TENM2: variants seen among roughly 807,000 people sequenced by gnomAD.
TENM2 encodes the protein teneurin-2.
Under a neutral mutation model 245.2 loss-of-function variants are expected in TENM2, and 52 were observed. The ratio of observed to expected loss-of-function variants is 0.21; its 90% CI spans 0.17 to 0.27. The LOEUF (loss-of-function observed/expected upper bound fraction) is 0.27, where lower values mean the gene tolerates loss of function less well. TENM2 is among the 10% of genes least tolerant of loss of function. TENM2 has a pLI of 1.00. For synonymous variants in TENM2, 1,363 were observed against 1,438.9 expected (o/e 0.95, Z 1.19); for missense variants, 3,046 against 3,666.8 (o/e 0.83, Z 4.37).
chr5:167,304,092 A>G (rs1755520052), intron 1 of TENM2, among the ~76,000 whole-genome samples: 1 of 152,222 alleles, frequency 6.6e-6, no homozygotes, highest in South Asian at 2.1e-4. Context: ...AAGGACCAGG[A>G]CAATTACACA....
At chr5:167,772,626 CTT>C (rs34173993) in intron 2 of TENM2, among the ~76,000 whole-genome samples, 39 of 146,580 alleles carry the variant, frequency 2.7e-4, no homozygotes, top group Admixed American at 6.2e-4. Context: ...ATCAGACCCA[CTT>C]TTTTTTTTTT....
chr5:167,536,351 AT>A (rs1771845653), intron 2 of TENM2, among the ~76,000 whole-genome samples: 1 of 152,234 alleles, frequency 6.6e-6, no homozygotes, highest in Non-Finnish European at 1.5e-5. Flanking sequence ...TTGAAGGCAG[AT>A]TTAACTTTAT....
At chr5:167,277,150 TTGAG>T in the TENM2 span, among the ~76,000 whole-genome samples, 40 of 152,254 alleles carry the variant, frequency 2.6e-4, no homozygotes, top group African/African-American at 8.9e-4. Context: ...CTTTTTTGCA[TTGAG>T]TATGTCTTTT....
At chr5:168,128,116 G>T (rs1029079975) in intron 12 of TENM2, among the ~76,000 whole-genome samples, 2 of 152,222 alleles carry the variant, frequency 1.3e-5, no homozygotes, top group Non-Finnish European at 2.9e-5. Flanking sequence ...ATCTGATTGG[G>T]CATCCGAGGG....
intron 2 of TENM2, among the ~76,000 whole-genome samples, chr5:167,789,035 C>T (rs1047219351): frequency 3.3e-5 from 5 of 152,128 alleles, no homozygotes; most frequent in Non-Finnish European, 5.9e-5. Context: ...TACGAATCTA[C>T]GGGCATCTTG....
intron 2 of TENM2, among the ~76,000 whole-genome samples, chr5:167,572,454 G>A (rs372565387): frequency 3.9e-5 from 6 of 152,060 alleles, no homozygotes; most frequent in Non-Finnish European, 7.4e-5. Context: ...ATTTACTTTC[G>A]GATATTGGAA....
At chr5:167,547,819 T>TG (rs1772666189) in intron 2 of TENM2, among the ~76,000 whole-genome samples, 1 of 152,242 alleles carries the variant, frequency 6.6e-6, no homozygotes, top group Non-Finnish European at 1.5e-5. Flanking sequence ...TTTTATCACA[T>TG]GTCCAACATA....
chr5:168,181,037 G>C (rs772184261), intron 13 of TENM2, among the ~76,000 whole-genome samples: 10 of 152,238 alleles, frequency 6.6e-5, no homozygotes, highest in Non-Finnish European at 1.3e-4. Context: ...CTGGTTTAAA[G>C]CTTAGCCACT....
chr5:167,287,947 T>C (rs999871501), intron 1 of TENM2: 19 of 152,180 alleles, frequency 1.2e-4, no homozygotes, highest in Admixed American at 1.2e-3. Context: ...CTGACAAAAG[T>C]GAGCAGTGGT....
At chr5:168,004,352 G>A (rs1784636448) in intron 5 of TENM2, among the ~76,000 whole-genome samples, 1 of 152,160 alleles carries the variant, frequency 6.6e-6, no homozygotes, top group Non-Finnish European at 1.5e-5. Flanking sequence ...TGAACTGCCT[G>A]CACTTGGGAG....
chr5:167,916,074 G>T (rs1185651026), intron 3 of TENM2, among the ~76,000 whole-genome samples: 1 of 152,158 alleles, frequency 6.6e-6, no homozygotes, highest in Non-Finnish European at 1.5e-5. Flanking sequence ...AACAGATATC[G>T]TGCACGTGCC....
chr5:167,645,997 T>C (rs916155315), intron 2 of TENM2, among the ~76,000 whole-genome samples: 1 of 151,332 alleles, frequency 6.6e-6, no homozygotes, highest in African/African-American at 2.4e-5. Context: ...TCTCTCCAGG[T>C]CCCCAGATTG....
At chr5:166,989,159 T>A in the TENM2 span, among the ~76,000 whole-genome samples, 1 of 151,360 alleles carries the variant, frequency 6.6e-6, no homozygotes, top group Non-Finnish European at 1.5e-5. Flanking sequence ...AACCTCCACC[T>A]CCTGGGTTCA....
At chr5:168,079,168 A>C (rs1289981680) in intron 7 of TENM2, among the ~76,000 whole-genome samples, 2 of 152,080 alleles carry the variant, frequency 1.3e-5, no homozygotes, top group African/African-American at 4.8e-5. Flanking sequence ...TTGGATTCCT[A>C]GGTATTTTAT....
exon 4 of TENM2, chr5:167,952,754 C>T: frequency 6.3e-7 from 1 of 1,587,856 alleles, no homozygotes; most frequent in African/African-American, 1.3e-5. Flanking sequence ...ATGACCTGGC[C>T]ACCACACCAG....
At chr5:167,429,580 G>A (rs1159196616) in intron 2 of TENM2, among the ~76,000 whole-genome samples, 1 of 150,288 alleles carries the variant, frequency 6.7e-6, no homozygotes, top group Non-Finnish European at 1.5e-5. Flanking sequence ...GGAAGGTCAG[G>A]GAAATTCTCT....
the TENM2 span, among the ~76,000 whole-genome samples, chr5:167,276,824 A>AT: frequency 6.6e-6 from 1 of 151,728 alleles, no homozygotes; most frequent in African/African-American, 2.4e-5. Flanking sequence ...GTTATTTTTT[A>AT]TTTTTCCCAA....
At chr5:167,358,093 A>T (rs1474111853) in intron 1 of TENM2, among the ~76,000 whole-genome samples, 1 of 152,098 alleles carries the variant, frequency 6.6e-6, no homozygotes, top group Non-Finnish European at 1.5e-5. Flanking sequence ...TCGCACAAAA[A>T]CCTGCTGTTC....
Position 168,247,807 on chromosome 5 carries a change from T to G in TENM2, c.6868T>G (p.Tyr2290Asp). 5 of 1,613,906 alleles carry G rather than the reference T, an allele frequency of 3.1e-6. No individual in the cohort carries two copies. In the South Asian group the frequency reaches 5.5e-5, roughly 18 times the overall value. ...TTCCAAGGGCCTCCTAACAAGAGCC[T>G]ACAACAAGGCCAGCGGGTGGAGTGT... The change falls in exon 27 of 29, where the codon TAC becomes GAC. Residue 2290 changes from tyrosine (Y) to aspartate (D), a missense_variant. Physicochemically the swap from Tyr to Asp is radical, Grantham distance 160. Coordinates refer to ENST00000518659, the Ensembl canonical transcript of TENM2. This position sits in a 1 kb window ranked among gnomAD's most constrained non-coding sequence, Gnocchi z 7.8.
Sources: allele counts gnomAD v4.1 joint callset (sites outside exome capture counted in the v4.1 genomes callset), GRCh38; gene constraint gnomAD v4.1.1; non-coding constraint Gnocchi (gnomAD v3.1); transcripts MANE v1.5; gene names NCBI Gene and HGNC (gene_info 2026-07-23, HGNC 2026-07-21).